LTBP2: variants seen among roughly 807,000 people sequenced by gnomAD.
LTBP2 encodes latent-transforming growth factor beta-binding protein 2.
LTBP2 carries 103 observed loss-of-function variants against 210.6 expected under a neutral mutation model. That is an observed-to-expected ratio of 0.49 (90% CI 0.42 to 0.58). LTBP2 has a LOEUF of 0.58. Ranked by LOEUF, LTBP2 falls within the 20% of genes least tolerant of loss-of-function variation. LTBP2 has a pLI of 0.00. For synonymous variants in LTBP2, 1,007 were observed against 1,015.0 expected (o/e 0.99, Z 0.15); for missense variants, 2,313 against 2,494.5 (o/e 0.93, Z 1.55).
Position 74,611,820 on chromosome 14 carries a change from C to T in LTBP2, c.125G>A (p.Arg42Lys), listed in dbSNP as rs1308854525. Residue 42 changes from arginine (R) to lysine (K), a missense_variant, in exon 1 of 36, where the codon AGA (arginine) becomes AAA (lysine). Arg to Lys is a conservative substitution (Grantham distance 26). Transcript: ENST00000261978. ...AGHAQRDPVG[R>K]YEPAGGDANR... ...CGCGTCTCCACCAGCCGGCTCGTAT[C>T]TCCCTACGGGGTCCCTTTGGGCATG... The T allele has an allele frequency of 1.2e-6, 2 of 1,611,632 alleles. No homozygotes were observed. The highest frequency in any genetic ancestry group is 2.7e-5 in the African/African-American group (2 of 74,918).
chr14:74,541,512 T>G (rs1188476202), intron 8 of LTBP2, among the ~76,000 whole-genome samples: 1 of 152,126 alleles, frequency 6.6e-6, no homozygotes, highest in African/African-American at 2.4e-5. Context: ...GATGAGGTTA[T>G]GAAACAAACC....
intron 1 of LTBP2, among the ~76,000 whole-genome samples, chr14:74,609,463 C>A (rs1025403760): frequency 6.6e-6 from 1 of 152,162 alleles, no homozygotes; most frequent in Non-Finnish European, 1.5e-5. Context: ...CGCACCTCAC[C>A]TGCACCTAAA....
intron 7 of LTBP2, among the ~76,000 whole-genome samples, chr14:74,550,748 C>T (rs2087641466): frequency 6.6e-6 from 1 of 152,142 alleles, no homozygotes; most frequent in South Asian, 2.1e-4. Context: ...GTCCATGTGC[C>T]AGGGGTCATA....
chr14:74,564,790 T>C (rs940217246), intron 3 of LTBP2, among the ~76,000 whole-genome samples: 2 of 152,160 alleles, frequency 1.3e-5, no homozygotes, highest in African/African-American at 4.8e-5. Context: ...AAGACTTAGA[T>C]ACTCATTATC....
intron 9 of LTBP2, among the ~76,000 whole-genome samples, chr14:74,534,728 A>T (rs2087396833): frequency 6.6e-6 from 1 of 152,122 alleles, no homozygotes; most frequent in Non-Finnish European, 1.5e-5. Flanking sequence ...ACTCTGTGGA[A>T]GTAGGAGAGA....
chr14:74,593,980 A>G (rs952887655), intron 2 of LTBP2, among the ~76,000 whole-genome samples: 4 of 152,196 alleles, frequency 2.6e-5, no homozygotes, highest in African/African-American at 7.2e-5. Context: ...AAGAGCTATC[A>G]CGTTCATATC....
chr14:74,509,091 C>T (rs2087033526), intron 22 of LTBP2, 139 bp from the exon 23 acceptor site: 4 of 1,569,720 alleles, frequency 2.5e-6, no homozygotes, highest in African/African-American at 1.3e-5. Flanking sequence ...TGAGGCAGCA[C>T]AGCTGGGACA....
intron 18 of LTBP2, among the ~76,000 whole-genome samples, chr14:74,512,846 A>G (rs370602311): frequency 3.3e-5 from 5 of 152,376 alleles, no homozygotes; most frequent in African/African-American, 1.2e-4. Context: ...CTGTAAAGAC[A>G]GAGATGGATA....
At chr14:74,573,654 C>G (rs1029963579) in intron 3 of LTBP2, among the ~76,000 whole-genome samples, 3 of 152,192 alleles carry the variant, frequency 2.0e-5, no homozygotes, top group African/African-American at 7.2e-5. Context: ...ACGTAACTAC[C>G]CTGGGATACT....
chr14:74,525,200 A>C lies in LTBP2; in HGVS notation c.2454T>G (p.Pro818=). 1 of 1,331,740 alleles carries C rather than the reference A, an allele frequency of 7.5e-7. No homozygotes were observed. Among genetic ancestry groups the C allele is most frequent in the Non-Finnish European group, 9.7e-7 (1 of 1,031,518 alleles). The allele number at this position is 1,331,740 out of a possible 1,614,324, so 82.5% of individuals were successfully genotyped here. The part of the protein sequence containing the change: ...VTGNATTPPM[P]EQGIAEIQEE... ...CCTGTATCTCTGCAATCCCCTGTTC[A>C]GGCATTGGTGGGGTTGTGGCATTCC... Residue 818 remains proline, a synonymous_variant, in exon 15 of 36, where the codon CCT becomes CCG. Transcript: ENST00000261978.
intron 18 of LTBP2, among the ~76,000 whole-genome samples, chr14:74,512,037 C>T (rs573762225): frequency 5.9e-5 from 9 of 152,336 alleles, no homozygotes; most frequent in Admixed American, 2.0e-4. Flanking sequence ...ACCAAATGGA[C>T]ACCCAGGGGA....
At position 74,510,137 on chromosome 14, in the gene LTBP2, A is replaced by T; in HGVS notation, c.3105T>A (p.Ser1035=). The T allele has an allele frequency of 6.2e-7, 1 of 1,614,146 alleles. No homozygotes were observed. The highest frequency in any genetic ancestry group is 8.5e-7 in the Non-Finnish European group (1 of 1,180,022). Residue 1035 remains serine, a synonymous_variant, in exon 20 of 36, where the codon TCT becomes TCA. Transcript: ENST00000261978. ...CTNLEGSFRC[S]CEQGYEVTSD... is the part of the protein sequence containing the mutation. ...AGGTGACCTCATAGCCCTGCTCACA[A>T]GAGCATCTGAAGGAGCCTTCTAGGT...
chr14:74,596,993 T>C (rs1030835626), intron 2 of LTBP2, among the ~76,000 whole-genome samples: 29 of 152,216 alleles, frequency 1.9e-4, no homozygotes, highest in African/African-American at 6.0e-4. Flanking sequence ...TTGGGCGTCA[T>C]TGGCCCGGAG....
intron 1 of LTBP2, among the ~76,000 whole-genome samples, chr14:74,609,317 C>T (rs755755512): frequency 3.9e-5 from 6 of 152,166 alleles, no homozygotes; most frequent in Non-Finnish European, 8.8e-5. Context: ...CACCTGTGTA[C>T]AGCAGGTGGC....
chr14:74,506,878 TGC>T lies in LTBP2; in HGVS notation c.3908-57_3908-56del, dbSNP rs201664630. 177,574 of 1,206,792 alleles carry T rather than the reference TGC, an allele frequency of 0.15. 2,292 individuals are homozygous for T. The highest frequency in any genetic ancestry group is 0.16 in the Non-Finnish European group (141,303 of 872,146). 74.8% of individuals were successfully genotyped at this position (1,206,792 alleles called of 1,614,324 possible). A position where few individuals can be genotyped will look rare whatever the true frequency, so the allele number is the denominator to read the frequency against. The stretch of plus-strand genomic sequence containing the variant: ...ATGTGTGTGTGTGTGTGTGTGTGTG[TGC>T]GCGCGCGCGTGTGTGCTCACTCTCT... On this transcript the variant is annotated intron_variant, in intron 26 of 35. Coordinates refer to ENST00000261978, the MANE Select transcript of LTBP2 (RefSeq NM_000428.3).
In LTBP2 at chr14:74,552,269, T is replaced by C. The variant is rs2087669757; in HGVS notation, c.1317A>G (p.Pro439=). The part of the protein sequence containing the change: ...LPIPQPDREP[P]GRGSRPRALL... ...AGGCCCTGGGGCGGGACCCCCTCCC[T>C]GGAGGCTCCCTGTCCGGCTGCGGGA... The change falls in exon 6 of 36, where the codon CCA becomes CCG. Residue 439 remains proline (P), a synonymous_variant. Transcript: ENST00000261978. 6.2e-7 allele frequency: 1 copy of C among 1,612,576 alleles called. No individual in the cohort carries two copies. The highest frequency in any genetic ancestry group is 1.3e-5 in the African/African-American group (1 of 74,994).
intron 1 of LTBP2, among the ~76,000 whole-genome samples, chr14:74,610,623 G>A (rs186047017): frequency 2.0e-3 from 299 of 152,350 alleles, no homozygotes; most frequent in Admixed American, 3.0e-3. Context: ...GGCGGAGCGT[G>A]CCCGCAGCCA....
intron 34 of LTBP2, 97 bp downstream of exon 34, chr14:74,502,556 G>T: frequency 6.4e-7 from 1 of 1,556,182 alleles, no homozygotes; most frequent in Non-Finnish European, 8.9e-7. Flanking sequence ...CCCCTTCCCA[G>T]TCCTCACCCT....
rs757843416 is a variant in LTBP2 at position 74,508,698 on chromosome 14, G to A, written c.3558C>T (p.Cys1186=). The A allele has an allele frequency of 1.1e-5, 18 of 1,613,610 alleles. No individual in the cohort carries two copies. The highest frequency in any genetic ancestry group is 6.7e-5 in the Admixed American group (4 of 59,998). Reference sequence around the variant, plus strand: ...TGTTGAGGCACTCGCCGTGGGGTGCGCAGTGCTCCTCCCCCATGCACTCAT... The same window carrying A: ...TGTTGAGGCACTCGCCGTGGGGTGCACAGTGCTCCTCCCCCATGCACTCAT... ...DVNECMGEEH[C]APHGECLNSH... The change falls in exon 24 of 36, where the codon TGC becomes TGT. Residue 1186 remains cysteine (C), a synonymous_variant. Coordinates refer to ENST00000261978, the MANE Select transcript of LTBP2 (RefSeq NM_000428.3).
Sources: allele counts gnomAD v4.1 joint callset (sites outside exome capture counted in the v4.1 genomes callset), GRCh38; gene constraint gnomAD v4.1.1; transcripts MANE v1.5; gene names NCBI Gene and HGNC (gene_info 2026-07-23, HGNC 2026-07-21).